ADA: variants seen among roughly 807,000 people sequenced by gnomAD.
The protein encoded by ADA is adenosine deaminase.
ADA carries 45 observed loss-of-function variants against 49.0 expected under a neutral mutation model. The ratio of observed to expected loss-of-function variants is 0.92; its 90% CI spans 0.72 to 1.18. The LOEUF is 1.18. Ranked by LOEUF, ADA falls within the 50% of genes most tolerant of loss-of-function variation. ADA has a pLI of 0.00. For missense variants in ADA, 445 were observed against 472.5 expected, an observed-to-expected ratio of 0.94 and a Z score of 0.54; for synonymous variants, 173 against 184.2, an observed-to-expected ratio of 0.94 and a Z score of 0.49.
At chr20:44,644,364 T>A (rs2065568746) in intron 1 of ADA, among the ~76,000 whole-genome samples, 1 of 152,112 alleles carries the variant, frequency 6.6e-6, no homozygotes, top group South Asian at 2.1e-4. Flanking sequence ...CTGTGTTCAA[T>A]GACCACACCG....
intron 2 of ADA, among the ~76,000 whole-genome samples, chr20:44,634,065 C>T (rs181718054): frequency 2.6e-5 from 4 of 152,248 alleles, no homozygotes; most frequent in African/African-American, 4.8e-5. Flanking sequence ...GAGGAATGGA[C>T]GATCAGACCA....
At chr20:44,642,250 C>T (rs1306476009) in intron 1 of ADA, among the ~76,000 whole-genome samples, 2 of 152,214 alleles carry the variant, frequency 1.3e-5, no homozygotes. Flanking sequence ...ACCTGGGTCT[C>T]TGCAGACCCC....
chr20:44,647,292 C>T (rs11907906), intron 1 of ADA, among the ~76,000 whole-genome samples: 4,186 of 151,908 alleles, frequency 0.028, 79 homozygotes, highest in East Asian at 0.033. Flanking sequence ...AAAAATTAGC[C>T]GGGCATGGTG....
At chr20:44,636,035 T>C in intron 2 of ADA, 192 bp downstream of exon 2, 1 of 611,572 alleles carries the variant, frequency 1.6e-6, no homozygotes, top group Non-Finnish European at 2.9e-6. Flanking sequence ...AGCTCAGGAG[T>C]TGGTCTGCGG....
At chr20:44,624,582 G>A (rs1177233255) in intron 5 of ADA, among the ~76,000 whole-genome samples, 1 of 152,240 alleles carries the variant, frequency 6.6e-6, no homozygotes, top group Non-Finnish European at 1.5e-5. Flanking sequence ...GCTTTGCCGA[G>A]GCCATGTGTG....
chr20:44,619,745 C>T lies in ADA; in HGVS notation c.*89G>A. 6.5e-7 allele frequency: 1 copy of T among 1,545,204 alleles called. No individual in the cohort carries two copies. Among genetic ancestry groups the T allele is most frequent in the Non-Finnish European group, 8.9e-7 (1 of 1,117,972 alleles). On this transcript the variant is annotated 3_prime_UTR_variant, in exon 12 of 12. Coordinates refer to ENST00000372874, the MANE Select transcript of ADA (RefSeq NM_000022.4). ...AGTAACTGACTATTGAGATCATGGTCTTCTTGGAAGGAATAAATGTAAAAA... is the reference window on the plus strand; with the variant it reads ...AGTAACTGACTATTGAGATCATGGTTTTCTTGGAAGGAATAAATGTAAAAA...
chr20:44,651,611 G>T lies in ADA; in HGVS notation c.-4C>A. Reference sequence around the variant, plus strand: ...CGAAGGCGGGCGTCTGGGCCATGGTGCCCTCGTGCGCCCCGGCGCTGCTCC... The same window carrying T: ...CGAAGGCGGGCGTCTGGGCCATGGTTCCCTCGTGCGCCCCGGCGCTGCTCC... On this transcript the variant is annotated 5_prime_UTR_variant, in exon 1 of 12. Transcript: ENST00000372874. 1 of 1,532,886 alleles carries T rather than the reference G, an allele frequency of 6.5e-7. No homozygotes were observed. Among genetic ancestry groups the T allele is most frequent in the Non-Finnish European group, 8.7e-7 (1 of 1,147,054 alleles). The allele number at this position is 1,532,886 out of a possible 1,614,324, so 95.0% of individuals were successfully genotyped here.
intron 1 of ADA, among the ~76,000 whole-genome samples, chr20:44,646,380 CA>C (rs1471443680): frequency 6.6e-6 from 1 of 152,152 alleles, no homozygotes; most frequent in Non-Finnish European, 1.5e-5. Flanking sequence ...TTTGTTTTAA[CA>C]GGTGGCTCTG....
At chr20:44,636,372 A>G in intron 1 of ADA, 84 bp from the exon 2 acceptor site, 1 of 1,175,562 alleles carries the variant, frequency 8.5e-7, no homozygotes, top group Non-Finnish European at 1.2e-6. Flanking sequence ...TTCAGAGCTT[A>G]ATGTTAACAT....
Position 44,622,835 on chromosome 20 carries a change from G to A in ADA, c.774C>T (p.His258=). 1 of 1,614,228 alleles carries A rather than the reference G, an allele frequency of 6.2e-7. No individual in the cohort carries two copies. The stretch of plus-strand genomic sequence containing the variant: ...CACTCCCTGGCCCGCTTACCTCGAA[G>A]TGCATGTTTTCCTGCCGCAGCCTGT... ...LYNRLRQENM[H]FEICPWSSYL... Residue 258 remains histidine (H), a synonymous_variant, in exon 8 of 12, where the codon CAC becomes CAT. Transcript: ENST00000372874.
intron 6 of ADA, chr20:44,623,916 T>G: frequency 2.2e-6 from 1 of 457,642 alleles, no homozygotes; most frequent in Non-Finnish European, 4.3e-6. Context: ...CCTGACTACT[T>G]TTTTTTGTAT....
At chr20:44,639,936 C>T (rs1294745116) in intron 1 of ADA, among the ~76,000 whole-genome samples, 4 of 151,942 alleles carry the variant, frequency 2.6e-5, no homozygotes, top group East Asian at 3.9e-4. Flanking sequence ...AATGGCCTTA[C>T]GGAGGAGGCT....
chr20:44,631,044 G>A (rs2065428666), intron 2 of ADA, among the ~76,000 whole-genome samples: 1 of 152,174 alleles, frequency 6.6e-6, no homozygotes, highest in African/African-American at 2.4e-5. Context: ...GGAGGAAAGT[G>A]CCAAAGAAAC....
In ADA at chr20:44,630,728, C is replaced by G. The variant is rs568806238; in HGVS notation, c.96-1559G>C. Among the ~76,000 whole-genome samples the G allele has an allele frequency of 3.3e-5, 5 of 152,256 alleles. No homozygotes were observed. The Middle Eastern group carries it at 0.017, about 521-fold the overall frequency. Reference sequence around the variant, plus strand: ...CATCCAATTATCCACAAAGCAGAAGCAGAAAAATAGGAGGCCGGGTGCAGT... The same window carrying G: ...CATCCAATTATCCACAAAGCAGAAGGAGAAAAATAGGAGGCCGGGTGCAGT... On this transcript the variant is annotated intron_variant, in intron 2 of 11. Transcript: ENST00000372874.
chr20:44,623,857 C>T (rs559904494), intron 6 of ADA: 1 of 380,658 alleles, frequency 2.6e-6, no homozygotes, highest in Admixed American at 3.1e-5. Flanking sequence ...AAGCAATTCT[C>T]CCACCTCAGC....
chr20:44,638,772 C>T (rs1025474657), intron 1 of ADA, among the ~76,000 whole-genome samples: 1 of 152,024 alleles, frequency 6.6e-6, no homozygotes, highest in African/African-American at 2.4e-5. Flanking sequence ...TTGGGAAGTA[C>T]GAACACAGTC....
chr20:44,619,974 G>T, intron 11 of ADA, 127 bp from the exon 12 acceptor site: 1 of 1,265,038 alleles, frequency 7.9e-7, no homozygotes, highest in Non-Finnish European at 1.1e-6. Flanking sequence ...GCCTTGCCAA[G>T]ACCACATAGG....
intron 10 of ADA, 123 bp downstream of exon 10, chr20:44,620,895 C>T (rs923822206): frequency 1.5e-6 from 2 of 1,376,058 alleles, no homozygotes; most frequent in African/African-American, 2.8e-5. Flanking sequence ...CTAGGTTGGG[C>T]TTGTCTTGGA....
intron 9 of ADA, 139 bp from the exon 10 acceptor site, chr20:44,621,286 GAAAT>G (rs1175633081): frequency 1.7e-6 from 2 of 1,159,506 alleles, no homozygotes; most frequent in Admixed American, 2.0e-5. Flanking sequence ...TGCAGAGGGG[GAAAT>G]AAATTCAGAA....
Sources: gnomAD v4.1 joint callset for allele counts (sites outside exome capture counted in the v4.1 genomes callset) on GRCh38, gnomAD v4.1.1 for gene constraint, MANE v1.5 for transcripts, NCBI Gene and HGNC (gene_info 2026-07-23, HGNC 2026-07-21) for gene names.